Variants in STOX2 observed in about 807,000 individuals in gnomAD.
The protein encoded by STOX2 is storkhead box 2, also known as storkhead-box protein 2.
STOX2 carries 28 observed loss-of-function variants against 60.9 expected under a neutral mutation model. The observed-to-expected ratio is 0.46, with a 90% CI of 0.34 to 0.63. The LOEUF is 0.63. Among genes scored for constraint, STOX2 ranks in the 30% least tolerant of loss-of-function variants. The pLI, the probability that STOX2 is intolerant of heterozygous loss-of-function variation, is 0.01. For missense variants in STOX2, 1,024 were observed against 1,187.7 expected (o/e 0.86, Z 2.03); for synonymous variants, 472 against 463.9 (o/e 1.02, Z -0.22).
chr4:183,902,429 CTAA>C (rs1461026593), upstream of STOX2, among the ~76,000 whole-genome samples: 3 of 152,162 alleles, frequency 2.0e-5, no homozygotes, highest in Admixed American at 2.0e-4. Flanking sequence ...TTAAATAATA[CTAA>C]TGCTATAAAA....
At position 183,821,088 on chromosome 4, in the gene STOX2, A is replaced by G. The variant is rs1159224294; in HGVS notation, c.364+23033A>G. Reference sequence around the variant, plus strand: ...TGCCACTGTACTCCAGCCTCTGGCAACAGAGTGAGACCCTGTCTCAAAGAA... The same window carrying G: ...TGCCACTGTACTCCAGCCTCTGGCAGCAGAGTGAGACCCTGTCTCAAAGAA... On this transcript the variant is annotated intron_variant, in intron 1 of 2. Transcript: ENST00000513034. This position sits in a 1 kb window ranked among gnomAD's most constrained non-coding sequence, Gnocchi z 4.2. Among the ~76,000 whole-genome samples the G allele has an allele frequency of 6.6e-6, 1 of 152,198 alleles. No individual in the cohort carries two copies. The highest frequency in any genetic ancestry group is 1.5e-5 in the Non-Finnish European group (1 of 68,036).
rs536601666 is a variant in STOX2 at position 183,884,105 on chromosome 4, C to T, written c.364+86050C>T. The stretch of plus-strand genomic sequence containing the variant: ...CTGACCTTAGGTGATCCGCCCCCCT[C>T]GGCCTCCCAAAGTGCTGGGATTACA... On this transcript the variant is annotated intron_variant, in intron 1 of 2. Transcript: ENST00000513034. 3.9e-5 allele frequency among the ~76,000 whole-genome samples: 6 copies of T among 152,258 alleles called. No individual in the cohort carries two copies. In the East Asian group the frequency reaches 7.7e-4, roughly 20 times the overall value.
At chr4:183,851,852 GGAAAGGATGAGA>G (rs1553968069) in intron 1 of STOX2, among the ~76,000 whole-genome samples, 3 of 62,188 alleles carry the variant, frequency 4.8e-5, no homozygotes, top group East Asian at 5.2e-4. Context: ...AAAGGATGAG[GGAAAGGATGAGA>G]GAAAGGATGA....
intron 1 of STOX2, among the ~76,000 whole-genome samples, chr4:183,839,045 A>G (rs1579321104): frequency 6.7e-6 from 1 of 149,226 alleles, no homozygotes; most frequent in East Asian, 1.9e-4. Context: ...ACACAGGTAC[A>G]CATGCACACA....
chr4:183,890,352 T>A (rs2309930), intron 1 of STOX2, among the ~76,000 whole-genome samples: 143,259 of 151,832 alleles, frequency 0.94, 68,166 homozygotes, highest in Non-Finnish European at 1. Flanking sequence ...GTGTGGCAGC[T>A]TGCACCTGTA....
At chr4:183,842,579 G>A (rs568620494) in intron 1 of STOX2, among the ~76,000 whole-genome samples, 1 of 152,278 alleles carries the variant, frequency 6.6e-6, no homozygotes, top group African/African-American at 2.4e-5. Context: ...TATACAGCAG[G>A]GCCGTGTGCA....
chr4:183,920,177 A>G (rs1308968943), intron 1 of STOX2, among the ~76,000 whole-genome samples: 4 of 151,996 alleles, frequency 2.6e-5, no homozygotes, highest in Non-Finnish European at 5.9e-5. Context: ...GCACAGTGGC[A>G]CCATCTCGGC....
At chr4:183,905,054 A>AT (rs1231212442), upstream of STOX2, among the ~76,000 whole-genome samples, 2 of 152,236 alleles carry the variant, frequency 1.3e-5, no homozygotes, top group Non-Finnish European at 2.9e-5. Context: ...AATCGGGCTT[A>AT]TTTTTGTCGT....
At chr4:183,798,034 G>C (rs923206920) in exon 1 of STOX2, 54 of 1,230,056 alleles carry the variant, frequency 4.4e-5, no homozygotes, top group East Asian at 1.3e-4. Flanking sequence ...GCCGCCCTCG[G>C]GCTTCCACAT....
At chr4:183,822,405 G>A (rs115845523) in intron 1 of STOX2, among the ~76,000 whole-genome samples, 2,092 of 152,288 alleles carry the variant, frequency 0.014, 50 homozygotes, top group African/African-American at 0.046. Context: ...TATTTCTGTT[G>A]TGATTACATT....
chr4:183,842,568 G>T (rs958702973), intron 1 of STOX2, among the ~76,000 whole-genome samples: 1 of 152,170 alleles, frequency 6.6e-6, no homozygotes, highest in African/African-American at 2.4e-5. Flanking sequence ...ATTTAATAAA[G>T]TATACAGCAG....
intron 1 of STOX2, among the ~76,000 whole-genome samples, chr4:183,992,660 A>G (rs1733161889): frequency 6.6e-6 from 1 of 152,244 alleles, no homozygotes; most frequent in Admixed American, 6.5e-5. Flanking sequence ...GTTATCATCT[A>G]GGACTGGTAT....
At chr4:183,815,016 T>C (rs1001070936) in intron 1 of STOX2, among the ~76,000 whole-genome samples, 5 of 152,144 alleles carry the variant, frequency 3.3e-5, no homozygotes, top group African/African-American at 9.7e-5. Flanking sequence ...TTATTTTTTT[T>C]CAAGACAAGG....
At chr4:183,807,780 G>A (rs903868080) in intron 1 of STOX2, among the ~76,000 whole-genome samples, 1 of 152,198 alleles carries the variant, frequency 6.6e-6, no homozygotes, top group South Asian at 2.1e-4. Context: ...GGGAGCATGG[G>A]AGACGGCCCA....
intron 1 of STOX2, among the ~76,000 whole-genome samples, chr4:183,873,307 G>C (rs921636414): frequency 1.3e-5 from 2 of 152,150 alleles, no homozygotes; most frequent in Non-Finnish European, 2.9e-5. Context: ...TTAGCCAGGC[G>C]TGTTGGCACA....
At chr4:183,903,844 G>C (rs1173535253), upstream of STOX2, among the ~76,000 whole-genome samples, 3 of 152,214 alleles carry the variant, frequency 2.0e-5, no homozygotes, top group Admixed American at 6.5e-5. Flanking sequence ...CTTGGACTGG[G>C]GTGGGGGTAG....
At chr4:183,822,113 G>C (rs1011559157) in intron 1 of STOX2, among the ~76,000 whole-genome samples, 2 of 152,168 alleles carry the variant, frequency 1.3e-5, no homozygotes, top group African/African-American at 2.4e-5. Flanking sequence ...TGCCACCCAC[G>C]TGCTAGGGAG....
intron 1 of STOX2, among the ~76,000 whole-genome samples, chr4:183,897,670 G>A (rs1468005443): frequency 6.6e-6 from 1 of 152,238 alleles, no homozygotes; most frequent in Admixed American, 6.5e-5. Flanking sequence ...TCCCAAAGAA[G>A]ATGGCAGTAA....
chr4:183,904,463 A>G (rs1307144546), upstream of STOX2, among the ~76,000 whole-genome samples: 1 of 152,268 alleles, frequency 6.6e-6, no homozygotes, highest in Non-Finnish European at 1.5e-5. Context: ...TATAACTTCT[A>G]AAGCTGTAAT....
Sources: gnomAD v4.1 joint callset for allele counts (sites outside exome capture counted in the v4.1 genomes callset) on GRCh38, gnomAD v4.1.1 for gene constraint, Gnocchi (gnomAD v3.1) non-coding constraint, MANE v1.5 for transcripts, NCBI Gene and HGNC (gene_info 2026-07-23, HGNC 2026-07-21) for gene names.